The following ACACA variants were observed in gnomAD, a reference collection of about 807,000 sequenced individuals.
The protein encoded by ACACA is acetyl-CoA carboxylase alpha, also known as acetyl-CoA carboxylase 1.
In ACACA, 103 loss-of-function variants were observed where a neutral mutation model predicts 296.1. The ratio of observed to expected loss-of-function variants is 0.35; its 90% CI spans 0.30 to 0.41. ACACA has a LOEUF of 0.41. Among genes scored for constraint, ACACA ranks in the 10% least tolerant of loss-of-function variants. ACACA has a pLI of 1.00. For missense variants in ACACA, 1,554 were observed against 2,989.7 expected (o/e 0.52, Z 11.20); for synonymous variants, 953 against 1,038.6 (o/e 0.92, Z 1.58).
chr17:37,396,384 TTG>T (rs1399777328), intron 1 of ACACA, among the ~76,000 whole-genome samples: 1 of 151,950 alleles, frequency 6.6e-6, no homozygotes, highest in Admixed American at 6.6e-5. Context: ...AAAACATATT[TTG>T]TATCTCTGTT....
At chr17:37,191,058 T>C in intron 38 of ACACA, 62 bp downstream of exon 38, 2 of 1,583,360 alleles carry the variant, frequency 1.3e-6, no homozygotes, top group Non-Finnish European at 1.7e-6. Context: ...GTGAGATAAA[T>C]ATGAATGAAC....
At chr17:37,352,004 C>T (rs1477702106) in intron 1 of ACACA, among the ~76,000 whole-genome samples, 2 of 149,902 alleles carry the variant, frequency 1.3e-5, no homozygotes, top group African/African-American at 4.9e-5. Flanking sequence ...AATCTCGGCT[C>T]ACTGCAAGCT....
chr17:37,345,748 G>A (rs1200676793), intron 1 of ACACA, among the ~76,000 whole-genome samples: 2 of 151,984 alleles, frequency 1.3e-5, no homozygotes, highest in African/African-American at 4.8e-5. Context: ...TGAATTGAGG[G>A]ACATTCTATA....
chr17:37,181,469 T>C (rs1486973757), intron 39 of ACACA, 113 bp from the exon 40 acceptor site: 2 of 1,193,842 alleles, frequency 1.7e-6, no homozygotes, highest in Non-Finnish European at 1.2e-6. Flanking sequence ...TTTTGGTAGG[T>C]TGAGTAGCTG....
intron 41 of ACACA, among the ~76,000 whole-genome samples, chr17:37,166,233 A>C (rs935926608): frequency 1.3e-5 from 2 of 152,014 alleles, no homozygotes; most frequent in Non-Finnish European, 2.9e-5. Context: ...TCCTGGGCTT[A>C]AGTGATTCTC....
intron 3 of ACACA, among the ~76,000 whole-genome samples, chr17:37,293,037 G>A (rs1192072488): frequency 2.0e-5 from 3 of 152,100 alleles, no homozygotes; most frequent in Non-Finnish European, 2.9e-5. Context: ...GCAAACTGCC[G>A]ACACATTTTT....
chr17:37,126,271 C>T (rs541445427), intron 47 of ACACA, among the ~76,000 whole-genome samples: 2 of 152,060 alleles, frequency 1.3e-5, no homozygotes, highest in Admixed American at 1.3e-4. Context: ...AGATAAGGAT[C>T]CAAATTTGGA....
At chr17:37,305,931 C>T (rs1317471223) in intron 3 of ACACA, among the ~76,000 whole-genome samples, 9 of 97,982 alleles carry the variant, frequency 9.2e-5, no homozygotes, top group Non-Finnish European at 1.4e-4. Context: ...TTTTTTGAGA[C>T]GGAGTCTTGT....
chr17:37,374,390 G>A (rs181186139), intron 1 of ACACA, among the ~76,000 whole-genome samples: 1,792 of 151,280 alleles, frequency 0.012, 14 homozygotes, highest in Non-Finnish European at 0.019. Context: ...AGGTTCAAGC[G>A]ATTCTCCTAC....
intron 45 of ACACA, chr17:37,141,359 G>T: frequency 2.5e-6 from 1 of 394,140 alleles, no homozygotes; most frequent in Non-Finnish European, 5.0e-6. Flanking sequence ...CACGGCCATG[G>T]TCCCAGCCCT....
chr17:37,216,831 A>C (rs996038006), intron 29 of ACACA, among the ~76,000 whole-genome samples: 1 of 151,538 alleles, frequency 6.6e-6, no homozygotes, highest in Non-Finnish European at 1.5e-5. Flanking sequence ...GATTTTCCTG[A>C]ATAAAAAAAA....
chr17:37,370,484 TAAAAAAA>T (rs772679026), intron 1 of ACACA, among the ~76,000 whole-genome samples: 5 of 76,250 alleles, frequency 6.6e-5, no homozygotes, highest in Non-Finnish European at 1.1e-4. Flanking sequence ...TAGTCTCTAC[TAAAAAAA>T]AAAAAAAAAA....
At chr17:37,290,658 T>C (rs1384761447) in intron 3 of ACACA, among the ~76,000 whole-genome samples, 1 of 152,218 alleles carries the variant, frequency 6.6e-6, no homozygotes, top group East Asian at 1.9e-4. Flanking sequence ...TAACCTGCAC[T>C]GAATATAGTC....
At position 37,097,011 on chromosome 17, in the gene ACACA, C is replaced by A; in HGVS notation, c.6876G>T (p.Val2292=). The change falls in exon 54 of 56, where the codon GTG becomes GTT. Residue 2292 remains valine, a synonymous_variant. Transcript: ENST00000616317. This position sits in a 1 kb window ranked among gnomAD's most constrained non-coding sequence, Gnocchi z 4.8. ...QAMLRRWFVE[V]EGTVKAYVWD... ...TCCCACCTACCTTCACTGTTCCTTC[C>A]ACTTCCACAAACCAGCGCCTTAACA... is the stretch of plus-strand genomic sequence containing the variant. 2 of 1,614,170 alleles carry A rather than the reference C, an allele frequency of 1.2e-6. No homozygotes were observed. Among genetic ancestry groups the A allele is most frequent in the Non-Finnish European group, 1.7e-6 (2 of 1,180,046 alleles).
Position 37,185,402 on chromosome 17 carries a change from CTTTTTTTTT to C in ACACA, c.4776+2866_4776+2874del, listed in dbSNP as rs67821579. On this transcript the variant is annotated intron_variant, in intron 39 of 55. Transcript: ENST00000616317. ...TGCATGACACCATGCCTGGCTATTT[CTTTTTTTTT>C]TTTTTTTTTTTTTTTTTTTGGTAGA... Among the ~76,000 whole-genome samples, 10 of 48,438 alleles carry C rather than the reference CTTTTTTTTT, an allele frequency of 2.1e-4. No individual in the cohort carries two copies. In the South Asian group the frequency reaches 2.4e-3, roughly 12 times the overall value. The allele number at this position is 48,438 out of a possible 152,430, so 31.8% of individuals were successfully genotyped here.
At chr17:37,248,241 G>A in intron 17 of ACACA, 85 bp from the exon 18 acceptor site, 3 of 1,509,934 alleles carry the variant, frequency 2.0e-6, no homozygotes, top group Non-Finnish European at 2.8e-6. Flanking sequence ...ATACAGATAA[G>A]AAAGATCTGT....
chr17:37,121,272 T>G (rs1280786475), intron 50 of ACACA, 83 bp downstream of exon 50: 18 of 1,596,184 alleles, frequency 1.1e-5, no homozygotes, highest in Non-Finnish European at 1.5e-5. Context: ...CACCCACAGA[T>G]TCTGCTGAAT....
chr17:37,091,312 T>C (rs1054203492), intron 54 of ACACA, among the ~76,000 whole-genome samples: 5 of 152,216 alleles, frequency 3.3e-5, no homozygotes, highest in Admixed American at 2.6e-4. Context: ...CTTGAAAATA[T>C]GGGTCCTATA....
chr17:37,296,301 C>CTTTTT (rs369893845), intron 3 of ACACA, among the ~76,000 whole-genome samples: 11 of 100,366 alleles, frequency 1.1e-4, no homozygotes, highest in South Asian at 3.3e-4. Flanking sequence ...TCTTTGGAGC[C>CTTTTT]TTTTTTTTTT....
Sources: gnomAD v4.1 joint callset for allele counts (sites outside exome capture counted in the v4.1 genomes callset) on GRCh38, gnomAD v4.1.1 for gene constraint, Gnocchi (gnomAD v3.1) non-coding constraint, MANE v1.5 for transcripts, NCBI Gene and HGNC (gene_info 2026-07-23, HGNC 2026-07-21) for gene names.